The following PDE6C variants were observed in gnomAD, a reference collection of about 807,000 sequenced individuals.
The protein encoded by PDE6C is cone cGMP-specific 3',5'-cyclic phosphodiesterase subunit alpha'.
PDE6C carries 75 observed loss-of-function variants against 113.1 expected under a neutral mutation model. That is an observed-to-expected ratio of 0.66 (90% CI 0.55 to 0.80). PDE6C has a LOEUF of 0.80. Ranked by LOEUF, PDE6C falls within the 30% of genes least tolerant of loss-of-function variation. The probability of loss-of-function intolerance (pLI) is 0.00; values close to 1 mark genes in which losing one functional copy is unlikely to be tolerated. For missense variants in PDE6C, 912 were observed against 1,038.6 expected, an observed-to-expected ratio of 0.88 and a Z score of 1.67; for synonymous variants, 375 against 363.7, an observed-to-expected ratio of 1.03 and a Z score of -0.35.
chr10:93,656,048 A>G (rs887105340), intron 16 of PDE6C, among the ~76,000 whole-genome samples, 188 bp downstream of exon 16: 2 of 152,212 alleles, frequency 1.3e-5, no homozygotes, highest in African/African-American at 4.8e-5. Flanking sequence ...TTCAAGACAG[A>G]TGCCTGCCAG....
At chr10:93,620,397 T>C (rs922644737) in intron 1 of PDE6C, among the ~76,000 whole-genome samples, 1 of 152,154 alleles carries the variant, frequency 6.6e-6, no homozygotes. Context: ...AACCTCAGCC[T>C]AACCTAAATA....
intron 11 of PDE6C, among the ~76,000 whole-genome samples, chr10:93,637,498 G>A (rs908991853): frequency 3.9e-5 from 6 of 152,048 alleles, no homozygotes; most frequent in Admixed American, 3.9e-4. Context: ...CTTTCGTGTT[G>A]TTGCCAGTAG....
chr10:93,615,436 C>T (rs955723246), intron 1 of PDE6C, among the ~76,000 whole-genome samples: 2 of 152,200 alleles, frequency 1.3e-5, no homozygotes, highest in South Asian at 2.1e-4. Flanking sequence ...GGCTGGAGTG[C>T]GATGGCGCTA....
At chr10:93,634,987 A>G (rs2058521016) in intron 9 of PDE6C, 80 bp downstream of exon 9, 1 of 1,484,200 alleles carries the variant, frequency 6.7e-7, no homozygotes, top group South Asian at 1.2e-5. Context: ...TTATTCTGGA[A>G]TGATATTTTG....
At chr10:93,659,335 A>G (rs1226983002) in intron 18 of PDE6C, among the ~76,000 whole-genome samples, 168 bp downstream of exon 18, 1 of 152,150 alleles carries the variant, frequency 6.6e-6, no homozygotes, top group East Asian at 1.9e-4. Flanking sequence ...AATAGAAGGA[A>G]CTTTGGAAGG....
chr10:93,626,906 A>T, intron 7 of PDE6C, 35 bp downstream of exon 7: 1 of 1,536,522 alleles, frequency 6.5e-7, no homozygotes, highest in Non-Finnish European at 9.0e-7. Context: ...TTTAAATAAT[A>T]TTGCAAGAAA....
At chr10:93,664,214 G>A (rs2133880459) in intron 21 of PDE6C, among the ~76,000 whole-genome samples, 1 of 152,304 alleles carries the variant, frequency 6.6e-6, no homozygotes, top group African/African-American at 2.4e-5. Context: ...GTGAACCAAT[G>A]CACAATTAAC....
chr10:93,632,985 A>G (rs565526094), intron 8 of PDE6C, among the ~76,000 whole-genome samples: 110 of 152,370 alleles, frequency 7.2e-4, no homozygotes, highest in African/African-American at 2.5e-3. Flanking sequence ...GAAAGGCTTC[A>G]TGGGAGAGCC....
At position 93,625,644 on chromosome 10, in the gene PDE6C, G is replaced by A. The variant is rs1335367092; in HGVS notation, c.934G>A (p.Gly312Ser). The change falls in exon 5 of 22, where the codon GGC (glycine) becomes AGC (serine). Residue 312 changes from glycine to serine, a missense_variant. Transcript: ENST00000371447. Reference sequence around the variant, plus strand: ...TTATAAAGGTCCAAAGACACCTGATGGCAGGGTACGTGCAAATGTCTTCCT... The same window carrying A: ...TTATAAAGGTCCAAAGACACCTGATAGCAGGGTACGTGCAAATGTCTTCCT... ...EPYKGPKTPDGREVNFYKIID... is the reference protein window; with the variant it reads ...EPYKGPKTPDSREVNFYKIID... The A allele has an allele frequency of 1.9e-6, 3 of 1,609,198 alleles. No individual in the cohort carries two copies. The highest frequency in any genetic ancestry group is 2.6e-6 in the Non-Finnish European group (3 of 1,175,688).
At chr10:93,651,993 C>T (rs1443002845) in intron 15 of PDE6C, among the ~76,000 whole-genome samples, 1 of 151,918 alleles carries the variant, frequency 6.6e-6, no homozygotes, top group Admixed American at 6.6e-5. Context: ...ACAAAAAACC[C>T]AACTTGTGTG....
chr10:93,655,334 T>C (rs1164625717), intron 15 of PDE6C, among the ~76,000 whole-genome samples: 1 of 152,200 alleles, frequency 6.6e-6, no homozygotes, highest in Non-Finnish European at 1.5e-5. Flanking sequence ...ATGATCACTC[T>C]AAAATTACCT....
At chr10:93,640,403 C>A in intron 12 of PDE6C, 47 bp from the exon 13 acceptor site, 1 of 1,448,386 alleles carries the variant, frequency 6.9e-7, no homozygotes, top group South Asian at 1.1e-5. Flanking sequence ...GACCTTCTAA[C>A]CTTTAGAATT....
intron 10 of PDE6C, among the ~76,000 whole-genome samples, chr10:93,636,081 C>A (rs145942930): frequency 1.3e-5 from 2 of 152,218 alleles, no homozygotes; most frequent in Non-Finnish European, 2.9e-5. Context: ...TTGGTTTGCT[C>A]TATGTGTCTC....
At chr10:93,622,655 T>TTTTTTG (rs2058453512) in intron 4 of PDE6C, among the ~76,000 whole-genome samples, 1 of 72,794 alleles carries the variant, frequency 1.4e-5, no homozygotes, top group Non-Finnish European at 3.0e-5. Flanking sequence ...TTTTTGTTTT[T>TTTTTTG]TTTTTTGTTG....
chr10:93,621,575 C>G (rs1233197312), intron 3 of PDE6C, among the ~76,000 whole-genome samples: 5 of 152,170 alleles, frequency 3.3e-5, no homozygotes, highest in African/African-American at 1.2e-4. Context: ...ATGTGGCTCT[C>G]TCCACATCAG....
At chr10:93,630,415 C>T (rs2058495613) in intron 8 of PDE6C, among the ~76,000 whole-genome samples, 1 of 149,770 alleles carries the variant, frequency 6.7e-6, no homozygotes, top group South Asian at 2.2e-4. Context: ...CCTGTCATCT[C>T]TGCCACTCCC....
At chr10:93,638,885 C>A (rs2058546322) in intron 11 of PDE6C, among the ~76,000 whole-genome samples, 3 of 152,092 alleles carry the variant, frequency 2.0e-5, no homozygotes, top group Admixed American at 2.0e-4. Flanking sequence ...GCTGGGGGAA[C>A]CAGAAACCGT....
At chr10:93,652,596 A>G (rs1350757576) in intron 15 of PDE6C, among the ~76,000 whole-genome samples, 1 of 152,238 alleles carries the variant, frequency 6.6e-6, no homozygotes, top group Non-Finnish European at 1.5e-5. Context: ...TTTGAAAAGT[A>G]AGATAGTTTT....
chr10:93,629,278 C>T lies in PDE6C; in HGVS notation c.1092C>T (p.Ala364=), dbSNP rs137978647. Residue 364 remains alanine (A), a synonymous_variant, in exon 8 of 22, where the codon GCC becomes GCT. Transcript: ENST00000371447. The part of the protein sequence containing the change: ...ENGFICNMMN[A]PADEYFTFQK... Reference sequence around the variant, plus strand: ...TCCAGATCTGTAACATGATGAATGCCCCTGCGGATGAATACTTCACATTTC... The same window carrying T: ...TCCAGATCTGTAACATGATGAATGCTCCTGCGGATGAATACTTCACATTTC... 4.8e-5 allele frequency: 77 copies of T among 1,611,742 alleles called. No individual in the cohort carries two copies. Among genetic ancestry groups the T allele is most frequent in the Non-Finnish European group, 6.2e-5 (73 of 1,177,956 alleles).
Sources: allele counts gnomAD v4.1 joint callset (sites outside exome capture counted in the v4.1 genomes callset), GRCh38; gene constraint gnomAD v4.1.1; transcripts MANE v1.5; gene names NCBI Gene and HGNC (gene_info 2026-07-23, HGNC 2026-07-21).